Variants in SLC6A11 observed in about 807,000 individuals in gnomAD.
SLC6A11 encodes the protein solute carrier family 6 member 11.
A neutral mutation model predicts 74.8 loss-of-function variants in SLC6A11; 25 were observed. The ratio of observed to expected loss-of-function variants is 0.33; its 90% CI spans 0.24 to 0.47. The LOEUF (loss-of-function observed/expected upper bound fraction) is 0.47, where lower values mean the gene tolerates loss of function less well. SLC6A11 is among the 20% of genes least tolerant of loss of function. The pLI is 1.00. For missense variants in SLC6A11, 574 were observed against 837.0 expected, an observed-to-expected ratio of 0.69 and a Z score of 3.88; for synonymous variants, 330 against 330.2, an observed-to-expected ratio of 1.00 and a Z score of 0.01.
At chr3:10,881,261 T>C (rs539590282) in intron 6 of SLC6A11, among the ~76,000 whole-genome samples, 2 of 152,048 alleles carry the variant, frequency 1.3e-5, no homozygotes, top group East Asian at 3.9e-4. Flanking sequence ...ACTAAAAATA[T>C]AAAAATTAGC....
At chr3:10,855,778 G>A (rs946277024) in intron 5 of SLC6A11, among the ~76,000 whole-genome samples, 1 of 152,230 alleles carries the variant, frequency 6.6e-6, no homozygotes, top group African/African-American at 2.4e-5. Flanking sequence ...GTGAAATGTG[G>A]ATAGTTGTTA....
In SLC6A11 at chr3:10,874,959, A is replaced by G. The variant is rs751875751; in HGVS notation, c.757-2A>G. The G allele has an allele frequency of 6.2e-7, 1 of 1,604,636 alleles. No individual in the cohort carries two copies. Among genetic ancestry groups the G allele is most frequent in the Non-Finnish European group, 8.5e-7 (1 of 1,173,934 alleles). Reference sequence around the variant, plus strand: ...GATTCTGTCCTCTCCTCTTGTGCACAGGTTGTATACGTGACTGCGACATTC... The same window carrying G: ...GATTCTGTCCTCTCCTCTTGTGCACGGGTTGTATACGTGACTGCGACATTC... On this transcript the variant is annotated splice_acceptor_variant, in intron 5 of 13. Transcript: ENST00000254488. LOFTEE classifies it high-confidence loss of function.
intron 4 of SLC6A11, among the ~76,000 whole-genome samples, chr3:10,835,215 T>C (rs567629123): frequency 6.6e-6 from 1 of 152,298 alleles, no homozygotes; most frequent in South Asian, 2.1e-4. Flanking sequence ...CTCGGGCACA[T>C]GTGGGAAACC....
intron 5 of SLC6A11, among the ~76,000 whole-genome samples, chr3:10,859,863 C>T (rs1575679006): frequency 6.6e-6 from 1 of 152,180 alleles, no homozygotes; most frequent in Non-Finnish European, 1.5e-5. Context: ...CTATCCACTG[C>T]TTTAACATTA....
intron 6 of SLC6A11, among the ~76,000 whole-genome samples, chr3:10,885,657 G>T (rs3774104): frequency 0.21 from 31,451 of 151,386 alleles, 4,292 homozygotes; most frequent in Admixed American, 0.36. Context: ...GAGATACCCT[G>T]CCCTAGGACA....
intron 7 of SLC6A11, among the ~76,000 whole-genome samples, chr3:10,913,149 A>C (rs1695410207): frequency 6.6e-6 from 1 of 150,492 alleles, no homozygotes; most frequent in African/African-American, 2.4e-5. Flanking sequence ...CCATCTTTCC[A>C]CCATAGTTAA....
chr3:10,825,395 G>C (rs1694195701), intron 4 of SLC6A11: 1 of 152,024 alleles, frequency 6.6e-6, no homozygotes, highest in African/African-American at 2.4e-5. Context: ...TTTGCTATTT[G>C]ATTTCTGTAC....
rs57825266 is a variant in SLC6A11 at position 10,887,094 on chromosome 3, C to CGGAT, written c.891+12023_891+12026dup. Among the ~76,000 whole-genome samples, 351 of 150,726 alleles carry CGGAT rather than the reference C, an allele frequency of 2.3e-3. 1 individual carries two copies. The highest frequency in any genetic ancestry group is 5.3e-3 in the Admixed American group (81 of 15,148). Reference sequence around the variant, plus strand: ...ATGGATGGATGGATGGGCAGACAGACGGATGGATGGATGGATGGATGGATG... The same window carrying CGGAT: ...ATGGATGGATGGATGGGCAGACAGACGGATGGATGGATGGATGGATGGATGGATG... On this transcript the variant is annotated intron_variant, in intron 6 of 13. Transcript: ENST00000254488.
In SLC6A11 at chr3:10,940,291, C is replaced by T. The variant is rs1695809443; in HGVS notation, c.*1889C>T. ...GCTTGTGTTTATCCTCGGCTGCTGT[C>T]TTCCCAGCAGGCCCCAGGCAAGGAG... On this transcript the variant is annotated 3_prime_UTR_variant, in exon 14 of 14. Transcript: ENST00000254488. 6.6e-6 allele frequency: 1 copy of T among 152,146 alleles called. No homozygotes were observed. The highest frequency in any genetic ancestry group is 1.5e-5 in the Non-Finnish European group (1 of 68,062). The allele number at this position is 152,146 out of a possible 1,614,324, so 9.4% of individuals were successfully genotyped here.
chr3:10,829,897 G>T (rs903475591), intron 4 of SLC6A11, among the ~76,000 whole-genome samples: 4 of 152,140 alleles, frequency 2.6e-5, no homozygotes, highest in African/African-American at 9.7e-5. Context: ...TAGGCATGGT[G>T]AGCTTTCTTA....
intron 5 of SLC6A11, among the ~76,000 whole-genome samples, chr3:10,871,357 A>G (rs544901039): frequency 6.6e-6 from 1 of 152,308 alleles, no homozygotes; most frequent in African/African-American, 2.4e-5. Context: ...AAATTTTGCA[A>G]GCATTGGGAA....
Position 10,854,216 on chromosome 3 carries a change from C to T in SLC6A11, c.756+9870C>T, listed in dbSNP as rs1345889273. ...CAGCCTAGCCAACATGGCGAAACCCCGTCTCTACTAAAAATACAAAAAATT... is the reference window on the plus strand; with the variant it reads ...CAGCCTAGCCAACATGGCGAAACCCTGTCTCTACTAAAAATACAAAAAATT... On this transcript the variant is annotated intron_variant, in intron 5 of 13. Coordinates refer to ENST00000254488, the MANE Select transcript of SLC6A11 (RefSeq NM_014229.3). Among the ~76,000 whole-genome samples, 4 of 152,016 alleles carry T rather than the reference C, an allele frequency of 2.6e-5. No individual in the cohort carries two copies. The South Asian group carries it at 8.3e-4, about 32-fold the overall frequency.
chr3:10,868,992 C>T (rs1228167831), intron 5 of SLC6A11, among the ~76,000 whole-genome samples: 2 of 152,180 alleles, frequency 1.3e-5, no homozygotes, highest in African/African-American at 4.8e-5. Flanking sequence ...CATATGGATG[C>T]AGCACAAAGC....
intron 4 of SLC6A11, 101 bp from the exon 5 acceptor site, chr3:10,844,113 G>T: frequency 6.9e-7 from 1 of 1,440,620 alleles, no homozygotes; most frequent in Non-Finnish European, 9.5e-7. Context: ...GTGGACGTGG[G>T]TGAATGAGCA....
rs376894886 is a variant in SLC6A11 at position 10,844,161 on chromosome 3, G to A, written c.624-53G>A. Reference sequence around the variant, plus strand: ...CCTGCTCCTCTGCAGTACTAGCTTTGCTGAAAATGGGCCAGCCCCAGCCCC... The same window carrying A: ...CCTGCTCCTCTGCAGTACTAGCTTTACTGAAAATGGGCCAGCCCCAGCCCC... On this transcript the variant is annotated intron_variant, in intron 4 of 13. Coordinates refer to ENST00000254488, the MANE Select transcript of SLC6A11 (RefSeq NM_014229.3). The A allele has an allele frequency of 3.1e-6, 5 of 1,610,096 alleles. No homozygotes were observed. The African/African-American group carries it at 5.3e-5, about 17-fold the overall frequency.
intron 8 of SLC6A11, among the ~76,000 whole-genome samples, chr3:10,921,612 A>C (rs1156516490): frequency 6.6e-6 from 1 of 152,210 alleles, no homozygotes; most frequent in Non-Finnish European, 1.5e-5. Flanking sequence ...AAACAAATGC[A>C]AAATAGTAGA....
intron 6 of SLC6A11, among the ~76,000 whole-genome samples, chr3:10,894,947 A>C (rs1695152675): frequency 6.6e-6 from 1 of 152,236 alleles, no homozygotes. Flanking sequence ...AATAATTTGG[A>C]GCATATTTTT....
intron 4 of SLC6A11, among the ~76,000 whole-genome samples, chr3:10,827,079 C>T (rs1694219985): frequency 6.6e-6 from 1 of 152,234 alleles, no homozygotes; most frequent in Admixed American, 6.5e-5. Context: ...TTTTGTCAGA[C>T]ACCTCTAATT....
chr3:10,852,313 G>A (rs1190286261), intron 5 of SLC6A11, among the ~76,000 whole-genome samples: 1 of 152,222 alleles, frequency 6.6e-6, no homozygotes, highest in African/African-American at 2.4e-5. Context: ...CAAGTACACC[G>A]AAGCCGCCAT....
Sources: allele counts gnomAD v4.1 joint callset (sites outside exome capture counted in the v4.1 genomes callset), GRCh38; gene constraint gnomAD v4.1.1; transcripts MANE v1.5; gene names NCBI Gene and HGNC (gene_info 2026-07-23, HGNC 2026-07-21).